Variants in ADARB2 observed in about 807,000 individuals in gnomAD.
The protein encoded by ADARB2 is inactive double-stranded RNA-specific editase B2.
ADARB2 carries 25 observed loss-of-function variants against 62.2 expected under a neutral mutation model. That is an observed-to-expected ratio of 0.40 (90% CI 0.29 to 0.56). The LOEUF (loss-of-function observed/expected upper bound fraction) is 0.56. Among genes scored for constraint, ADARB2 ranks in the 20% least tolerant of loss-of-function variants. The pLI, the probability that ADARB2 is intolerant of heterozygous loss-of-function variation, is 0.43. For synonymous variants in ADARB2, 572 were observed against 500.8 expected (o/e 1.14, Z -1.90); for missense variants, 1,071 against 1,077.4 (o/e 0.99, Z 0.08).
At chr10:1,366,522 C>T (rs1389728085) in intron 2 of ADARB2, among the ~76,000 whole-genome samples, 1 of 152,162 alleles carries the variant, frequency 6.6e-6, no homozygotes, top group Non-Finnish European at 1.5e-5. Context: ...TGCTGCTTCC[C>T]ATTGCCCCAG....
chr10:1,317,744 G>T (rs939761975), intron 3 of ADARB2, among the ~76,000 whole-genome samples: 4 of 137,920 alleles, frequency 2.9e-5, no homozygotes, highest in African/African-American at 1.2e-4. Flanking sequence ...CACAGGCAGG[G>T]GTAGGCCTGG....
In ADARB2 at chr10:1,398,229, G is replaced by T. The variant is rs1832632745; in HGVS notation, c.101-19069C>A. Among the ~76,000 whole-genome samples the T allele has an allele frequency of 6.6e-6, 1 of 151,708 alleles. No individual in the cohort carries two copies. The highest frequency in any genetic ancestry group is 1.5e-5 in the Non-Finnish European group (1 of 67,930). On this transcript the variant is annotated intron_variant, in intron 1 of 9. Transcript: ENST00000381312. This position sits in a 1 kb window ranked among gnomAD's most constrained non-coding sequence, Gnocchi z 4.1. ...ACCATCAGTCTCTCCCCTCCCGAGT[G>T]CAGGCTTCCTGGGTCACCGTCCGTC...
At chr10:1,437,025 T>C (rs1830841440) in intron 1 of ADARB2, among the ~76,000 whole-genome samples, 1 of 152,242 alleles carries the variant, frequency 6.6e-6, no homozygotes, top group South Asian at 2.1e-4. Context: ...GCCTGTCTAA[T>C]GTATGCTGTT....
intron 1 of ADARB2, among the ~76,000 whole-genome samples, chr10:1,712,109 A>G (rs547565097): frequency 7.9e-5 from 12 of 152,354 alleles, no homozygotes; most frequent in African/African-American, 2.9e-4. Context: ...TTAAGAAAAT[A>G]CAACAGTTGA....
intron 1 of ADARB2, among the ~76,000 whole-genome samples, chr10:1,459,988 C>T (rs1375316802): frequency 3.8e-5 from 4 of 104,658 alleles, no homozygotes; most frequent in African/African-American, 1.3e-4. Flanking sequence ...AGCAAACCTG[C>T]CTGTGACCTG....
intron 7 of ADARB2, among the ~76,000 whole-genome samples, chr10:1,200,575 C>CA (rs1836973148): frequency 2.0e-5 from 3 of 152,222 alleles, no homozygotes; most frequent in Middle Eastern, 3.4e-3. Context: ...CCTTAGCAGT[C>CA]AAAATGACCT....
At chr10:1,736,619 T>G (rs1205020571) in intron 1 of ADARB2, among the ~76,000 whole-genome samples, 2 of 152,222 alleles carry the variant, frequency 1.3e-5, no homozygotes, top group East Asian at 1.9e-4. Flanking sequence ...TATCCCTTCC[T>G]CCGGGACAGT....
chr10:1,540,059 G>C (rs964230643), intron 1 of ADARB2, among the ~76,000 whole-genome samples: 1 of 152,132 alleles, frequency 6.6e-6, no homozygotes, highest in Non-Finnish European at 1.5e-5. Context: ...AGGTGTAAGA[G>C]ACAGTTTGGA....
intron 1 of ADARB2, among the ~76,000 whole-genome samples, chr10:1,598,542 T>C (rs1160751454): frequency 6.6e-6 from 1 of 152,136 alleles, no homozygotes; most frequent in Non-Finnish European, 1.5e-5. Context: ...ATGTGGCCCA[T>C]TGCTTGGACC....
intron 1 of ADARB2, among the ~76,000 whole-genome samples, chr10:1,528,930 C>T (rs1487767643): frequency 6.6e-6 from 1 of 152,152 alleles, no homozygotes; most frequent in Non-Finnish European, 1.5e-5. Flanking sequence ...TGTGGTCTGT[C>T]CCTTCCTAGG....
At chr10:1,190,952 C>T (rs991507519) in intron 8 of ADARB2, among the ~76,000 whole-genome samples, 4 of 152,344 alleles carry the variant, frequency 2.6e-5, no homozygotes, top group South Asian at 2.1e-4. Context: ...AGCGCTCTTC[C>T]GGAGGAGGGG....
At chr10:1,705,568 A>G (rs1027089568) in intron 1 of ADARB2, among the ~76,000 whole-genome samples, 1 of 152,242 alleles carries the variant, frequency 6.6e-6, no homozygotes, top group South Asian at 2.1e-4. Context: ...GATTGTTTAC[A>G]GACAGTTTTG....
chr10:1,673,061 C>T (rs1212733048), intron 1 of ADARB2, among the ~76,000 whole-genome samples: 1 of 152,132 alleles, frequency 6.6e-6, no homozygotes, highest in Non-Finnish European at 1.5e-5. Context: ...ACACAGTTGT[C>T]GGCTGGACCA....
chr10:1,437,042 A>G (rs1830841648), intron 1 of ADARB2, among the ~76,000 whole-genome samples: 1 of 152,238 alleles, frequency 6.6e-6, no homozygotes, highest in South Asian at 2.1e-4. Context: ...TGTTAGTTGC[A>G]TTAAGGAACT....
At chr10:1,441,505 G>A (rs1360587529) in intron 1 of ADARB2, among the ~76,000 whole-genome samples, 1 of 152,144 alleles carries the variant, frequency 6.6e-6, no homozygotes, top group Non-Finnish European at 1.5e-5. Flanking sequence ...AATAATAACA[G>A]TTAAAGATAT....
intron 1 of ADARB2, among the ~76,000 whole-genome samples, chr10:1,635,526 C>G (rs979613567): frequency 1.3e-5 from 2 of 152,122 alleles, no homozygotes; most frequent in African/African-American, 4.8e-5. Context: ...CCTAGTGTTG[C>G]GTTGAAATCT....
chr10:1,338,123 G>A (rs1831991247), intron 3 of ADARB2, among the ~76,000 whole-genome samples: 1 of 152,242 alleles, frequency 6.6e-6, no homozygotes, highest in African/African-American at 2.4e-5. Flanking sequence ...AAGGAACTTT[G>A]AGGAAGAACT....
intron 1 of ADARB2, among the ~76,000 whole-genome samples, chr10:1,655,996 G>T (rs754000681): frequency 6.6e-6 from 1 of 152,190 alleles, no homozygotes; most frequent in Non-Finnish European, 1.5e-5. Flanking sequence ...TATATATCTC[G>T]TTTATCTAGC....
chr10:1,599,332 T>C (rs1588317832), intron 1 of ADARB2, among the ~76,000 whole-genome samples: 1 of 152,120 alleles, frequency 6.6e-6, no homozygotes. Context: ...TGATGACGGG[T>C]GAAATTCATA....
Sources: gnomAD v4.1 joint callset for allele counts (sites outside exome capture counted in the v4.1 genomes callset) on GRCh38, gnomAD v4.1.1 for gene constraint, Gnocchi (gnomAD v3.1) non-coding constraint, MANE v1.5 for transcripts, NCBI Gene and HGNC (gene_info 2026-07-23, HGNC 2026-07-21) for gene names.